MAJIN: variants seen among roughly 807,000 people sequenced by gnomAD.
MAJIN encodes membrane-anchored junction protein.
A neutral mutation model predicts 30.2 loss-of-function variants in MAJIN; 27 were observed. That is an observed-to-expected ratio of 0.89 (90% CI 0.66 to 1.23). The LOEUF (loss-of-function observed/expected upper bound fraction) is 1.23, where lower values mean the gene tolerates loss of function less well. Among genes scored for constraint, MAJIN ranks in the 50% most tolerant of loss-of-function variants. The pLI, the probability that MAJIN is intolerant of heterozygous loss-of-function variation, is 0.00. For synonymous variants in MAJIN, 78 were observed against 91.6 expected (o/e 0.85, Z 0.85); for missense variants, 253 against 260.3 (o/e 0.97, Z 0.19).
chr11:64,942,016 A>G (rs1489156982), intron 8 of MAJIN, among the ~76,000 whole-genome samples: 1 of 152,166 alleles, frequency 6.6e-6, no homozygotes, highest in Non-Finnish European at 1.5e-5. Context: ...CTTTATAGAA[A>G]TTTCTTTGTA....
intron 3 of MAJIN, among the ~76,000 whole-genome samples, chr11:64,956,690 A>G (rs1325803428): frequency 6.6e-6 from 1 of 150,866 alleles, no homozygotes; most frequent in Non-Finnish European, 1.5e-5. Context: ...CACAGGGTCA[A>G]AGAATATCCA....
chr11:64,944,692 C>G (rs1226444886), intron 8 of MAJIN, among the ~76,000 whole-genome samples: 4 of 152,052 alleles, frequency 2.6e-5, no homozygotes, highest in African/African-American at 4.8e-5. Context: ...AATGAATGCA[C>G]ATGTAAATGT....
At chr11:64,946,001 T>C in intron 8 of MAJIN, 1 of 1,295,424 alleles carries the variant, frequency 7.7e-7, no homozygotes, top group Non-Finnish European at 1.0e-6. Context: ...GATGTGCTGG[T>C]AACCGGAATC....
At chr11:64,941,606 C>T (rs913461437) in intron 8 of MAJIN, among the ~76,000 whole-genome samples, 13 of 152,176 alleles carry the variant, frequency 8.5e-5, no homozygotes, top group African/African-American at 2.2e-4. Context: ...GCCAAGGTCG[C>T]GCCATTGCAT....
chr11:64,965,727 C>T (rs1196692580), intron 1 of MAJIN, among the ~76,000 whole-genome samples: 1 of 152,034 alleles, frequency 6.6e-6, no homozygotes, highest in South Asian at 2.1e-4. Flanking sequence ...GAGGCCGAGG[C>T]GGGCTGATCA....
At chr11:64,968,959 T>C (rs1176306045) in intron 1 of MAJIN, among the ~76,000 whole-genome samples, 2 of 152,164 alleles carry the variant, frequency 1.3e-5, no homozygotes, top group Admixed American at 6.5e-5. Context: ...GAAGCTTCTG[T>C]AGTCGTCCAG....
At chr11:64,947,345 GA>G in intron 8 of MAJIN, 28 bp downstream of exon 8, 1 of 1,580,964 alleles carries the variant, frequency 6.3e-7, no homozygotes, top group Non-Finnish European at 8.6e-7. Flanking sequence ...TAGGACGCAG[GA>G]GCGAGCCTCT....
intron 1 of MAJIN, among the ~76,000 whole-genome samples, chr11:64,961,891 G>T (rs1166895692): frequency 3.3e-5 from 5 of 150,930 alleles, no homozygotes; most frequent in Non-Finnish European, 7.4e-5. Context: ...TAGGCTCAAG[G>T]GATCCTCCCA....
intron 10 of MAJIN, 90 bp downstream of exon 10, chr11:64,939,569 TCTG>T: frequency 8.9e-7 from 1 of 1,129,460 alleles, no homozygotes; most frequent in Non-Finnish European, 1.3e-6. Context: ...CTGTAAGTAA[TCTG>T]CTTTCTTTTC....
chr11:64,969,658 A>C (rs1945866735), intron 1 of MAJIN, among the ~76,000 whole-genome samples: 1 of 152,226 alleles, frequency 6.6e-6, no homozygotes, highest in South Asian at 2.1e-4. Flanking sequence ...CTGATTTGGA[A>C]GATGGTACTC....
Position 64,940,615 on chromosome 11 carries a change from T to C in MAJIN, c.505A>G (p.Arg169Gly). Residue 169 changes from arginine (R) to glycine (G), a missense_variant, in exon 9 of 11, where the codon AGG becomes GGG. Transcript: ENST00000301896. ...AGTGATATCAGAGGCCAGAGTCTCC[T>C]GCAATCCTTGTTGGGTTTTTCTTTC... ...IGKEKPNKDC[R>G]RLWPLISLMS... 1 of 1,614,056 alleles carries C rather than the reference T, an allele frequency of 6.2e-7. No individual in the cohort carries two copies. The highest frequency in any genetic ancestry group is 8.5e-7 in the Non-Finnish European group (1 of 1,179,988).
intron 1 of MAJIN, among the ~76,000 whole-genome samples, chr11:64,968,784 A>G (rs1461771822): frequency 2.0e-5 from 3 of 151,526 alleles, no homozygotes. Context: ...GTGAGCCGAG[A>G]TCGCACCACT....
chr11:64,954,906 A>G, intron 3 of MAJIN, 104 bp from the exon 4 acceptor site: 1 of 1,012,950 alleles, frequency 9.9e-7, no homozygotes. Context: ...CTAAAGAAAC[A>G]TGACATAAGT....
chr11:64,968,085 G>C (rs1945839987), intron 1 of MAJIN, among the ~76,000 whole-genome samples: 1 of 152,020 alleles, frequency 6.6e-6, no homozygotes, highest in South Asian at 2.1e-4. Flanking sequence ...TTAATGGACA[G>C]AAAGGTCAAT....
At position 64,959,419 on chromosome 11, in the gene MAJIN, T is replaced by C. The variant is rs760502813; in HGVS notation, c.-14A>G. Reference sequence around the variant, plus strand: ...TTTTAAACTCATTGCTCCCAAACGATAGCCTAAATAAAATAGAAAGAGAAT... The same window carrying C: ...TTTTAAACTCATTGCTCCCAAACGACAGCCTAAATAAAATAGAAAGAGAAT... On this transcript the variant is annotated 5_prime_UTR_variant, in exon 3 of 11. Transcript: ENST00000301896. 8 of 1,599,098 alleles carry C rather than the reference T, an allele frequency of 5.0e-6. No homozygotes were observed. The highest frequency in any genetic ancestry group is 6.9e-6 in the Non-Finnish European group (8 of 1,167,270).
intron 3 of MAJIN, among the ~76,000 whole-genome samples, chr11:64,957,569 A>C (rs1165304009): frequency 6.6e-6 from 1 of 150,980 alleles, no homozygotes; most frequent in African/African-American, 2.4e-5. Flanking sequence ...ATGCTCAGCT[A>C]ATTTTTTTAT....
At chr11:64,951,416 C>T (rs1003627561) in intron 4 of MAJIN, among the ~76,000 whole-genome samples, 2 of 152,108 alleles carry the variant, frequency 1.3e-5, no homozygotes, top group Admixed American at 1.3e-4. Context: ...CAATTTCAAT[C>T]CCAGCCTTGT....
At position 64,972,032 on chromosome 11, in the gene MAJIN, G is replaced by C. The variant is rs1439727396; in HGVS notation, c.-220C>G. 1 of 152,236 alleles carries C rather than the reference G, an allele frequency of 6.6e-6. No individual in the cohort carries two copies. Among genetic ancestry groups the C allele is most frequent in the East Asian group, 1.9e-4 (1 of 5,184 alleles). 9.4% of individuals were successfully genotyped at this position (152,236 alleles called of 1,614,324 possible). A position where few individuals can be genotyped will look rare whatever the true frequency, so the allele number is the denominator to read the frequency against. On this transcript the variant is annotated 5_prime_UTR_variant, in exon 1 of 11. Coordinates refer to ENST00000301896, the MANE Select transcript of MAJIN (RefSeq NM_001037225.3). The stretch of plus-strand genomic sequence containing the variant: ...AACCTCGAACGAAGTCGTTTTGAGG[G>C]ACTGGCTCGCCAGCTCCTAAGCAAC...
intron 2 of MAJIN, 39 bp from the exon 3 acceptor site, chr11:64,959,461 A>T: frequency 6.6e-7 from 1 of 1,515,786 alleles, no homozygotes; most frequent in Non-Finnish European, 9.1e-7. Context: ...AAAGCTAACG[A>T]TTGTTCCTTA....
Sources: allele counts gnomAD v4.1 joint callset (sites outside exome capture counted in the v4.1 genomes callset), GRCh38; gene constraint gnomAD v4.1.1; transcripts MANE v1.5; gene names NCBI Gene and HGNC (gene_info 2026-07-23, HGNC 2026-07-21).